The following CWC27 variants were observed in gnomAD, a reference collection of about 807,000 sequenced individuals.
CWC27 encodes the protein CWC27 spliceosome associated cyclophilin, also known as spliceosome-associated protein CWC27 homolog.
CWC27 carries 47 observed loss-of-function variants against 63.6 expected under a neutral mutation model. The ratio of observed to expected loss-of-function variants is 0.74; its 90% CI spans 0.58 to 0.94. The LOEUF is 0.94. CWC27 is among the 40% of genes least tolerant of loss of function. CWC27 has a pLI of 0.00. For missense variants in CWC27, 495 were observed against 554.3 expected, an observed-to-expected ratio of 0.89 and a Z score of 1.07; for synonymous variants, 175 against 179.8, an observed-to-expected ratio of 0.97 and a Z score of 0.22.
chr5:65,005,195 AAGC>A (rs1749820800), intron 13 of CWC27, among the ~76,000 whole-genome samples: 1 of 149,718 alleles, frequency 6.7e-6, no homozygotes, highest in Admixed American at 6.6e-5. Context: ...CCAGCACCAG[AAGC>A]AGCAGGAGTG....
At chr5:64,945,055 C>G (rs1348004157) in intron 11 of CWC27, among the ~76,000 whole-genome samples, 2 of 152,080 alleles carry the variant, frequency 1.3e-5, no homozygotes, top group Non-Finnish European at 2.9e-5. Context: ...TTGGCATGTT[C>G]CCTGCCTCAG....
At chr5:64,798,020 G>T (rs1028314652) in intron 7 of CWC27, among the ~76,000 whole-genome samples, 5 of 152,130 alleles carry the variant, frequency 3.3e-5, no homozygotes, top group Non-Finnish European at 7.4e-5. Flanking sequence ...ACCAGGTGGG[G>T]AGAATTAATA....
chr5:65,011,449 A>G (rs906049228), intron 13 of CWC27, among the ~76,000 whole-genome samples: 1 of 152,216 alleles, frequency 6.6e-6, no homozygotes, highest in Non-Finnish European at 1.5e-5. Flanking sequence ...TAACTGAGAG[A>G]CAGAAGTGTA....
intron 10 of CWC27, among the ~76,000 whole-genome samples, chr5:64,841,072 T>G (rs879670165): frequency 9.9e-5 from 15 of 152,234 alleles, no homozygotes; most frequent in Non-Finnish European, 2.1e-4. Flanking sequence ...TTTCTGCTGC[T>G]ATAACAGAAT....
intron 13 of CWC27, among the ~76,000 whole-genome samples, chr5:64,987,580 T>A (rs538472591): frequency 6.6e-6 from 1 of 152,350 alleles, no homozygotes; most frequent in Non-Finnish European, 1.5e-5. Context: ...ATTATTTCTC[T>A]TCTAGCTAAA....
chr5:64,844,710 C>G (rs920427415), intron 10 of CWC27, among the ~76,000 whole-genome samples: 28 of 152,232 alleles, frequency 1.8e-4, no homozygotes, highest in Admixed American at 1.0e-3. Context: ...CTCCATTCAG[C>G]CAATAAGCCA....
Position 64,800,288 on chromosome 5 carries a change from A to G in CWC27, c.710A>G (p.Lys237Arg). ...AGCAAAAGTAGTCATGACTTGCTTA[A>G]GGATGATCCACATCTCAGTTCTGTT... Reference protein sequence around the residue: ...GKSKSSHDLLKDDPHLSSVPV... With the variant: ...GKSKSSHDLLRDDPHLSSVPV... Residue 237 changes from lysine to arginine, a missense_variant, in exon 8 of 14, where the codon AAG (lysine) becomes AGG (arginine). Physicochemically the swap from Lys to Arg is conservative, Grantham distance 26. Around this residue, in one of 3 missense-constraint regions of CWC27, gnomAD observed 463 missense variants for 498.1 expected, o/e 0.93. Coordinates refer to ENST00000381070, the MANE Select transcript of CWC27 (RefSeq NM_005869.4). 1 of 1,612,838 alleles carries G rather than the reference A, an allele frequency of 6.2e-7. No individual in the cohort carries two copies.
intron 10 of CWC27, among the ~76,000 whole-genome samples, chr5:64,847,006 A>AAG (rs1462879785): frequency 1.7e-4 from 26 of 151,332 alleles, no homozygotes; most frequent in African/African-American, 6.3e-4. Flanking sequence ...AAAAAAAAAA[A>AAG]AAAAAGAAAA....
rs146880278 is a variant in CWC27 at position 64,956,028 on chromosome 5, T to C, written c.1043-15675T>C. 1.2e-3 allele frequency among the ~76,000 whole-genome samples: 190 copies of C among 152,282 alleles called. 1 individual carries two copies. Among genetic ancestry groups the C allele is most frequent in the African/African-American group, 3.3e-3 (136 of 41,560 alleles). ...GTGGGCATCAGGAAACTTGAAATTT[T>C]ACTGCCATTTTATCAACTAACTAAA... On this transcript the variant is annotated intron_variant, in intron 11 of 13. Coordinates refer to ENST00000381070, the MANE Select transcript of CWC27 (RefSeq NM_005869.4).
At chr5:65,016,589 T>C (rs1750052608) in intron 13 of CWC27, among the ~76,000 whole-genome samples, 1 of 152,170 alleles carries the variant, frequency 6.6e-6, no homozygotes, top group African/African-American at 2.4e-5. Context: ...TCCAGTAAGC[T>C]TTCTCAGGTG....
rs866659962 is a variant in CWC27 at position 64,885,517 on chromosome 5, C to A, written c.1013C>A (p.Ala338Glu). The change falls in exon 11 of 14, where the codon GCA becomes GAA. Residue 338 changes from alanine (A) to glutamate (E), a missense_variant. This residue lies in a region of CWC27 where 463 missense variants were observed against 498.1 expected (regional missense o/e 0.93). Coordinates refer to ENST00000381070, the MANE Select transcript of CWC27 (RefSeq NM_005869.4). Reference protein sequence around the residue: ...LAAKQKKVENAAKQAEKRSEE... With the variant: ...LAAKQKKVENEAKQAEKRSEE... ...GCAAAACAAAAAAAAGTAGAAAATG[C>A]AGCAAAACAAGCAGAAAAAAGAAGT... 12 of 1,604,112 alleles carry A rather than the reference C, an allele frequency of 7.5e-6. No individual in the cohort carries two copies. The Middle Eastern group carries it at 8.3e-4, about 110-fold the overall frequency.
chr5:64,790,061 G>A (rs1244265771), intron 7 of CWC27, among the ~76,000 whole-genome samples: 2 of 152,084 alleles, frequency 1.3e-5, no homozygotes, highest in African/African-American at 2.4e-5. Context: ...GCATTAAAAT[G>A]TAATTAAAAT....
intron 11 of CWC27, among the ~76,000 whole-genome samples, chr5:64,890,961 G>T (rs1580706771): frequency 6.6e-6 from 1 of 152,142 alleles, no homozygotes; most frequent in South Asian, 2.1e-4. Flanking sequence ...GAAAAGCATG[G>T]CTAGAGACAT....
chr5:64,871,982 C>T (rs1746686027), intron 10 of CWC27, among the ~76,000 whole-genome samples: 1 of 152,114 alleles, frequency 6.6e-6, no homozygotes, highest in Non-Finnish European at 1.5e-5. Context: ...TTGAAAAATG[C>T]ATCATAACAA....
At chr5:65,001,807 T>C (rs1580775002) in intron 13 of CWC27, among the ~76,000 whole-genome samples, 1 of 152,030 alleles carries the variant, frequency 6.6e-6, no homozygotes, top group East Asian at 1.9e-4. Context: ...CCTTGTCTGG[T>C]TTTGGTTACC....
rs367765721 is a variant in CWC27, at chr5:64,977,291, A to T, written c.1256+53A>T. On this transcript the variant is annotated intron_variant, in intron 13 of 13. Coordinates refer to ENST00000381070, the MANE Select transcript of CWC27 (RefSeq NM_005869.4). The stretch of plus-strand genomic sequence containing the variant: ...CCATGAACAAATAGTCTCAGAGCAG[A>T]GACACTACTGGGGCATTTCCACTAT... 1.8e-5 allele frequency: 22 copies of T among 1,234,220 alleles called. 1 individual carries two copies. The East Asian group carries it at 2.5e-4, about 14-fold the overall frequency. 76.5% of individuals were successfully genotyped at this position (1,234,220 alleles called of 1,614,324 possible).
intron 13 of CWC27, among the ~76,000 whole-genome samples, chr5:65,011,469 T>G (rs1035808007): frequency 2.6e-5 from 4 of 152,142 alleles, no homozygotes; most frequent in Non-Finnish European, 5.9e-5. Context: ...ATAGTGTATA[T>G]AGAGGCAGCG....
At chr5:65,000,911 T>C (rs140836968) in intron 13 of CWC27, among the ~76,000 whole-genome samples, 1 of 152,144 alleles carries the variant, frequency 6.6e-6, no homozygotes, top group Admixed American at 6.5e-5. Flanking sequence ...TAGATTGTTT[T>C]GAATAGTATG....
chr5:64,936,520 T>A (rs1192294473), intron 11 of CWC27, among the ~76,000 whole-genome samples: 1 of 152,216 alleles, frequency 6.6e-6, no homozygotes, highest in African/African-American at 2.4e-5. Context: ...TATTGAGGAT[T>A]TTCACATCAA....
Sources: allele counts gnomAD v4.1 joint callset (sites outside exome capture counted in the v4.1 genomes callset), GRCh38; gene constraint gnomAD v4.1.1; regional missense constraint gnomAD v4.1.1; transcripts MANE v1.5; gene names NCBI Gene and HGNC (gene_info 2026-07-23, HGNC 2026-07-21).